The following C13orf46 variants were observed in gnomAD, a reference collection of about 807,000 sequenced individuals.
C13orf46 encodes chromosome 13 open reading frame 46.
downstream of C13orf46, among the ~76,000 whole-genome samples, chr13:113,953,103 C>A (rs1027072051): frequency 6.6e-6 from 1 of 152,236 alleles, no homozygotes; most frequent in Non-Finnish European, 1.5e-5. Flanking sequence ...GAGTTCAGCG[C>A]CCACTGAGCC....
At chr13:113,934,023 A>G in the C13orf46 span, among the ~76,000 whole-genome samples, 1 of 152,162 alleles carries the variant, frequency 6.6e-6, no homozygotes, top group South Asian at 2.1e-4. Context: ...TTCGAGATGC[A>G]TGACCGTCCA....
At chr13:113,947,252 G>A in the C13orf46 span, among the ~76,000 whole-genome samples, 1 of 152,218 alleles carries the variant, frequency 6.6e-6, no homozygotes, top group South Asian at 2.1e-4. Flanking sequence ...CAAGCGTCGG[G>A]GCAGGTTACT....
At chr13:113,944,369 G>C in the C13orf46 span, among the ~76,000 whole-genome samples, 1 of 152,202 alleles carries the variant, frequency 6.6e-6, no homozygotes, top group Non-Finnish European at 1.5e-5. Flanking sequence ...TGCCTGCCAG[G>C]ACCAGGTGCC....
intron 5 of C13orf46, among the ~76,000 whole-genome samples, chr13:113,966,575 T>C (rs1468628680): frequency 6.6e-6 from 1 of 150,702 alleles, no homozygotes; most frequent in African/African-American, 2.5e-5. Context: ...ATGGTGATAG[T>C]GATAGTGGTG....
chr13:113,930,588 G>A, the C13orf46 span, among the ~76,000 whole-genome samples: 8 of 152,168 alleles, frequency 5.3e-5, no homozygotes, highest in Admixed American at 2.0e-4. Context: ...GAGCCCCCAC[G>A]AGCATCCAAT....
At chr13:113,930,388 A>G in the C13orf46 span, among the ~76,000 whole-genome samples, 4,921 of 105,818 alleles carry the variant, frequency 0.047, 129 homozygotes, top group Non-Finnish European at 0.065. Context: ...GCGGGGGCGC[A>G]GGAGCACCGA....
intron 1 of C13orf46, among the ~76,000 whole-genome samples, chr13:113,972,997 A>T (rs10870596): frequency 6.6e-6 from 1 of 151,744 alleles, no homozygotes; most frequent in Non-Finnish European, 1.5e-5. Context: ...CCCCACTTCC[A>T]CCCTTAGCGT....
chr13:113,935,277 A>C, the C13orf46 span, among the ~76,000 whole-genome samples: 33 of 152,222 alleles, frequency 2.2e-4, no homozygotes, highest in Admixed American at 2.0e-3. Context: ...GAGAGGTGGA[A>C]AACAGCTCTG....
At chr13:113,940,166 G>A in the C13orf46 span, among the ~76,000 whole-genome samples, 1 of 152,232 alleles carries the variant, frequency 6.6e-6, no homozygotes, top group African/African-American at 2.4e-5. Context: ...AGCCGCATTT[G>A]GCTCCTCTTA....
the C13orf46 span, among the ~76,000 whole-genome samples, chr13:113,945,646 AAGAAAGAAAG>A: frequency 1.4e-5 from 2 of 138,112 alleles, no homozygotes; most frequent in Non-Finnish European, 3.2e-5. Context: ...GAAAGAAAGA[AAGAAAGAAAG>A]AAAGAAAGAA....
intron 6 of C13orf46, among the ~76,000 whole-genome samples, chr13:113,963,067 G>A (rs1289735408): frequency 2.6e-5 from 4 of 152,312 alleles, no homozygotes; most frequent in African/African-American, 4.8e-5. Context: ...GCAGCAATCC[G>A]TCAGCAAAGC....
the C13orf46 span, among the ~76,000 whole-genome samples, chr13:113,938,161 CA>C: frequency 6.6e-6 from 1 of 152,264 alleles, no homozygotes; most frequent in East Asian, 1.9e-4. Flanking sequence ...GTTGCGGCCT[CA>C]ACTGAACGCC....
At chr13:113,936,522 AG>A in the C13orf46 span, among the ~76,000 whole-genome samples, 1 of 152,032 alleles carries the variant, frequency 6.6e-6, no homozygotes, top group African/African-American at 2.4e-5. Context: ...CAGCCCGAGG[AG>A]GGGGAAACCG....
At chr13:113,931,485 C>T in the C13orf46 span, among the ~76,000 whole-genome samples, 1 of 152,176 alleles carries the variant, frequency 6.6e-6, no homozygotes, top group Admixed American at 6.5e-5. Flanking sequence ...GTACACCCCT[C>T]CCTTGGCGGG....
downstream of C13orf46, among the ~76,000 whole-genome samples, chr13:113,951,212 C>T (rs975002309): frequency 1.6e-4 from 25 of 152,318 alleles, no homozygotes; most frequent in African/African-American, 6.0e-4. Context: ...GTATGGAAAT[C>T]CTGCCTTCCT....
intron 5 of C13orf46, among the ~76,000 whole-genome samples, chr13:113,966,331 T>C (rs1278167967): frequency 6.6e-6 from 1 of 150,574 alleles, no homozygotes; most frequent in Non-Finnish European, 1.5e-5. Context: ...ATGGGAATGA[T>C]GGTGGTGATG....
downstream of C13orf46, among the ~76,000 whole-genome samples, chr13:113,951,155 T>C (rs1413940064): frequency 9.2e-5 from 14 of 152,112 alleles, no homozygotes; most frequent in Admixed American, 7.2e-4. Context: ...ATAAGGGACG[T>C]AGTGACAGCC....
the C13orf46 span, among the ~76,000 whole-genome samples, chr13:113,932,901 G>T: frequency 4.0e-5 from 6 of 151,798 alleles, no homozygotes; most frequent in Admixed American, 3.9e-4. Context: ...GTCTCGCTCT[G>T]TCAGCCACAC....
intron 6 of C13orf46, among the ~76,000 whole-genome samples, chr13:113,958,729 T>A (rs1372157808): frequency 2.0e-5 from 3 of 152,180 alleles, no homozygotes; most frequent in African/African-American, 7.2e-5. Context: ...TTTTTTTCCT[T>A]AATTGGCAAT....
Sources: allele counts gnomAD v4.1 joint callset (sites outside exome capture counted in the v4.1 genomes callset), GRCh38; gene constraint gnomAD v4.1.1; transcripts MANE v1.5; gene names NCBI Gene and HGNC (gene_info 2026-07-23, HGNC 2026-07-21).